The following FADS3 variants were observed in gnomAD, a reference collection of about 807,000 sequenced individuals.
The protein encoded by FADS3 is fatty acid desaturase 3, also known as cytochrome b5-related protein.
A neutral mutation model predicts 60.4 loss-of-function variants in FADS3; 30 were observed. The ratio of observed to expected loss-of-function variants is 0.50; its 90% CI spans 0.37 to 0.67. The LOEUF (loss-of-function observed/expected upper bound fraction) is 0.67, where lower values mean the gene tolerates loss of function less well. Among genes scored for constraint, FADS3 ranks in the 30% least tolerant of loss-of-function variants. The pLI, the probability that FADS3 is intolerant of heterozygous loss-of-function variation, is 0.00. For synonymous variants in FADS3, 234 were observed against 249.3 expected, an observed-to-expected ratio of 0.94 and a Z score of 0.58; for missense variants, 432 against 598.3, an observed-to-expected ratio of 0.72 and a Z score of 2.90.
chr11:61,874,412 A>G (rs750773909), intron 11 of FADS3, among the ~76,000 whole-genome samples: 6 of 152,220 alleles, frequency 3.9e-5, no homozygotes, highest in Non-Finnish European at 4.4e-5. Context: ...AGTAAGGGGA[A>G]CAGCGTGTAC....
chr11:61,877,952 T>C lies in FADS3; in HGVS notation c.808+203A>G. The C allele has an allele frequency of 1.6e-6, 1 of 614,968 alleles. No individual in the cohort carries two copies. The highest frequency in any genetic ancestry group is 2.9e-6 in the Non-Finnish European group (1 of 345,906). 38.1% of individuals were successfully genotyped at this position (614,968 alleles called of 1,614,324 possible). A position where few individuals can be genotyped will look rare whatever the true frequency, so the allele number is the denominator to read the frequency against. Reference sequence around the variant, plus strand: ...TGTGATGGCCCGTGGCTGCAAGGTGTCCCAGGCACGGGAGACAGCTGGGGC... The same window carrying C: ...TGTGATGGCCCGTGGCTGCAAGGTGCCCCAGGCACGGGAGACAGCTGGGGC... On this transcript the variant is annotated intron_variant, in intron 6 of 11. Coordinates refer to ENST00000278829, the MANE Select transcript of FADS3 (RefSeq NM_021727.5). The surrounding 1 kb of genome is among the most constrained non-coding windows in gnomAD (Gnocchi z 4.7).
intron 11 of FADS3, 152 bp from the exon 12 acceptor site, chr11:61,874,017 T>G (rs1336126721): frequency 5.0e-6 from 3 of 604,364 alleles, no homozygotes; most frequent in Admixed American, 2.9e-5. Context: ...GGCTGGAGGG[T>G]GGGTTGGGAG....
intron 1 of FADS3, among the ~76,000 whole-genome samples, chr11:61,886,895 A>C (rs1441877423): frequency 1.3e-5 from 2 of 152,144 alleles, no homozygotes; most frequent in African/African-American, 2.4e-5. Context: ...TCAGAGAACC[A>C]CCTAGAAGGA....
chr11:61,884,882 C>T (rs183130390), intron 1 of FADS3, among the ~76,000 whole-genome samples: 105 of 152,272 alleles, frequency 6.9e-4, no homozygotes, highest in African/African-American at 2.4e-3. Context: ...CTGGAGGTAG[C>T]GACAGGCTCT....
chr11:61,874,298 C>G (rs575716572), intron 11 of FADS3, among the ~76,000 whole-genome samples: 15 of 152,346 alleles, frequency 9.8e-5, no homozygotes, highest in African/African-American at 3.4e-4. Context: ...GCCAGGCGCT[C>G]TAAAGGGCTG....
At position 61,891,465 on chromosome 11, in the gene FADS3, GCCGCCTCCGCCGCCGCCCGCTGCT is replaced by G. The variant is rs1462425090; in HGVS notation, c.-108_-85del. Reference sequence around the variant, plus strand: ...AGGGAAGCGAAGAGCGCTCCCGGGCGCCGCCTCCGCCGCCGCCCGCTGCTCCGGCCCCGCCCTGCCGCCGCGGCC... The same window carrying G: ...AGGGAAGCGAAGAGCGCTCCCGGGCGCCGGCCCCGCCCTGCCGCCGCGGCC... On this transcript the variant is annotated 5_prime_UTR_variant, in exon 1 of 12. Coordinates refer to ENST00000278829, the MANE Select transcript of FADS3 (RefSeq NM_021727.5). 1 of 938,324 alleles carries G rather than the reference GCCGCCTCCGCCGCCGCCCGCTGCT, an allele frequency of 1.1e-6. No homozygotes were observed. Among genetic ancestry groups the G allele is most frequent in the Admixed American group, 4.3e-5 (1 of 22,990 alleles). The allele number at this position is 938,324 out of a possible 1,614,324, so 58.1% of individuals were successfully genotyped here. A position where few individuals can be genotyped will look rare whatever the true frequency, so the allele number is the denominator to read the frequency against.
chr11:61,882,013 C>G (rs1341726345), intron 1 of FADS3: 1 of 151,182 alleles, frequency 6.6e-6, no homozygotes, highest in African/African-American at 2.4e-5. Context: ...CTGTCTGGGC[C>G]CCCAGCTACC....
intron 1 of FADS3, among the ~76,000 whole-genome samples, chr11:61,883,198 A>C (rs1229823772): frequency 6.6e-6 from 1 of 152,076 alleles, no homozygotes; most frequent in Non-Finnish European, 1.5e-5. Context: ...CCCATTAAAC[A>C]CTAATTCTCC....
Position 61,878,511 on chromosome 11 carries a change from C to A in FADS3, c.747+1G>T. On this transcript the variant is annotated splice_donor_variant, in intron 5 of 11. Transcript: ENST00000278829. LOFTEE classifies it high-confidence loss of function. ...GGTTGTCCACGTCCCTCCCCACCCA[C>A]CTCGACGGATGACTCCCCCAGGAGG... The A allele has an allele frequency of 6.2e-7, 1 of 1,613,594 alleles. No individual in the cohort carries two copies. The highest frequency in any genetic ancestry group is 8.5e-7 in the Non-Finnish European group (1 of 1,179,720).
rs762081772 is a variant in FADS3, at chr11:61,876,662, C to G, written c.983+204G>C. 1 of 657,002 alleles carries G rather than the reference C, an allele frequency of 1.5e-6. No individual in the cohort carries two copies. Among genetic ancestry groups the G allele is most frequent in the Non-Finnish European group, 2.7e-6 (1 of 368,728 alleles). 40.7% of individuals were successfully genotyped at this position (657,002 alleles called of 1,614,324 possible). ...AGTCCAGAGCAGCTCCGACACCCAC[C>G]GGGCCACTTACAAGCCAGGCCACGC... On this transcript the variant is annotated intron_variant, in intron 8 of 11. Coordinates refer to ENST00000278829, the MANE Select transcript of FADS3 (RefSeq NM_021727.5). The surrounding 1 kb of genome is among the most constrained non-coding windows in gnomAD (Gnocchi z 5.7).
intron 1 of FADS3, chr11:61,890,297 C>T (rs1391718119): frequency 3.3e-5 from 5 of 152,138 alleles, no homozygotes; most frequent in Non-Finnish European, 7.3e-5. Flanking sequence ...AGAGGGACGC[C>T]GACAGTCCTG....
rs749019006 is a variant in FADS3, at chr11:61,876,901, G to A, written c.948C>T (p.Gly316=). 1.1e-5 allele frequency: 18 copies of A among 1,610,834 alleles called. No individual in the cohort carries two copies. Among genetic ancestry groups the A allele is most frequent in the Admixed American group, 3.4e-5 (2 of 59,642 alleles). ...RFFLSYLPFY[G]VPGVLLFFVA... Reference sequence around the variant, plus strand: ...CAAAGAAGAGCAGCACCCCAGGGACGCCGTAGAAGGGGAGGTAGGATAAGA... The same window carrying A: ...CAAAGAAGAGCAGCACCCCAGGGACACCGTAGAAGGGGAGGTAGGATAAGA... The change falls in exon 8 of 12, where the codon GGC becomes GGT. Residue 316 remains glycine, a synonymous_variant. Transcript: ENST00000278829. This position sits in a 1 kb window ranked among gnomAD's most constrained non-coding sequence, Gnocchi z 5.7.
chr11:61,880,418 C>T (rs774626221), intron 1 of FADS3: 8 of 297,394 alleles, frequency 2.7e-5, no homozygotes, highest in Non-Finnish European at 5.0e-5. Flanking sequence ...GGTCAAACAT[C>T]TGCAGCTCTG....
Position 61,891,282 on chromosome 11 carries a change from G to A in FADS3, c.100C>T (p.Pro34Ser), listed in dbSNP as rs761767615. 1 of 1,537,070 alleles carries A rather than the reference G, an allele frequency of 6.5e-7. No individual in the cohort carries two copies. The highest frequency in any genetic ancestry group is 1.2e-5 in the South Asian group (1 of 83,996). ...CWEQIRAHDQ[P>S]GDKWLVIERR... ...TCGATGACCAGCCACTTGTCGCCGG[G>A]CTGGTCGTGCGCGCGGATCTGCTCC... The change falls in exon 1 of 12, where the codon CCC becomes TCC. Residue 34 changes from proline (P) to serine (S), a missense_variant. Pro to Ser is a moderately conservative substitution (Grantham distance 74, BLOSUM62 -1). Coordinates refer to ENST00000278829, the MANE Select transcript of FADS3 (RefSeq NM_021727.5).
chr11:61,891,456 C>T lies in FADS3; in HGVS notation c.-75G>A, dbSNP rs1938512848. 2.7e-6 allele frequency: 3 copies of T among 1,112,860 alleles called. No homozygotes were observed. Among genetic ancestry groups the T allele is most frequent in the South Asian group, 3.3e-5 (1 of 30,088 alleles). The allele number at this position is 1,112,860 out of a possible 1,614,324, so 68.9% of individuals were successfully genotyped here. A position where few individuals can be genotyped will look rare whatever the true frequency, so the allele number is the denominator to read the frequency against. Reference sequence around the variant, plus strand: ...AAGACCCCGAGGGAAGCGAAGAGCGCTCCCGGGCGCCGCCTCCGCCGCCGC... The same window carrying T: ...AAGACCCCGAGGGAAGCGAAGAGCGTTCCCGGGCGCCGCCTCCGCCGCCGC... On this transcript the variant is annotated 5_prime_UTR_variant, in exon 1 of 12. Coordinates refer to ENST00000278829, the MANE Select transcript of FADS3 (RefSeq NM_021727.5).
At chr11:61,879,921 G>C in intron 2 of FADS3, 120 bp downstream of exon 2, 1 of 761,894 alleles carries the variant, frequency 1.3e-6, no homozygotes. Flanking sequence ...CTCAGCCCTG[G>C]CTCTGCATCC....
Position 61,876,441 on chromosome 11 carries a change from T to A in FADS3, c.998A>T (p.His333Leu), listed in dbSNP as rs764138855. 1 of 1,613,492 alleles carries A rather than the reference T, an allele frequency of 6.2e-7. No individual in the cohort carries two copies. The highest frequency in any genetic ancestry group is 8.5e-7 in the Non-Finnish European group (1 of 1,179,996). Residue 333 changes from histidine (H) to leucine (L), a missense_variant, in exon 9 of 12, where the codon CAC becomes CTC. His to Leu is a moderately conservative substitution (Grantham distance 99). Coordinates refer to ENST00000278829, the MANE Select transcript of FADS3 (RefSeq NM_021727.5). This position sits in a 1 kb window ranked among gnomAD's most constrained non-coding sequence, Gnocchi z 5.7. ...CATCTGTGTGATCCACACGAACCAG[T>A]GGCTTTCCAGGACCCTGTGGGGAGG... ...FFVAVRVLES[H>L]WFVWITQMNH...
rs1937880132 is a variant in FADS3 at position 61,876,283 on chromosome 11, C to T, written c.1080+76G>A. 1 of 1,584,640 alleles carries T rather than the reference C, an allele frequency of 6.3e-7. No homozygotes were observed. Among genetic ancestry groups the T allele is most frequent in the South Asian group, 1.1e-5 (1 of 89,154 alleles). ...CCACCTGGCAGCCCCGTCAGGGCCT[C>T]ATCCCTGCTTTGCCATCTGGCTCCT... On this transcript the variant is annotated intron_variant, in intron 9 of 11. Transcript: ENST00000278829. This position sits in a 1 kb window ranked among gnomAD's most constrained non-coding sequence, Gnocchi z 5.7.
rs560432693 is a variant in FADS3 at position 61,875,836 on chromosome 11, G to A, written c.1286+15C>T. ...GGGAAGCCACCAGAACAGAGGGGCC[G>A]GGCTGCAGCCTCACCTGACGATGTC... On this transcript the variant is annotated intron_variant, in intron 11 of 11. Coordinates refer to ENST00000278829, the MANE Select transcript of FADS3 (RefSeq NM_021727.5). The A allele has an allele frequency of 6.2e-5, 99 of 1,609,710 alleles. No individual in the cohort carries two copies. The highest frequency in any genetic ancestry group is 4.5e-4 in the East Asian group (20 of 44,780).
Sources: allele counts gnomAD v4.1 joint callset (sites outside exome capture counted in the v4.1 genomes callset), GRCh38; gene constraint gnomAD v4.1.1; non-coding constraint Gnocchi (gnomAD v3.1); transcripts MANE v1.5; gene names NCBI Gene and HGNC (gene_info 2026-07-23, HGNC 2026-07-21).